The following MGAT4C variants were observed in gnomAD, a reference collection of about 807,000 sequenced individuals.
MGAT4C encodes the protein MGAT4 family member C.
In MGAT4C, 19 loss-of-function variants were observed where a neutral mutation model predicts 40.1. That is an observed-to-expected ratio of 0.47 (90% confidence interval 0.33 to 0.70). MGAT4C has a LOEUF of 0.70. Ranked by LOEUF, MGAT4C falls within the 30% of genes least tolerant of loss-of-function variation. The pLI, the probability that MGAT4C is intolerant of heterozygous loss-of-function variation, is 0.02. For missense variants in MGAT4C, 491 were observed against 563.2 expected (o/e 0.87, Z 1.30); for synonymous variants, 181 against 187.1 (o/e 0.97, Z 0.27).
At chr12:86,072,632 GGATT>G (rs908946086) in intron 1 of MGAT4C, among the ~76,000 whole-genome samples, 1 of 152,052 alleles carries the variant, frequency 6.6e-6, no homozygotes, top group Non-Finnish European at 1.5e-5. Context: ...ATGGATAGAT[GGATT>G]GATTAGATGA....
intron 4 of MGAT4C, among the ~76,000 whole-genome samples, chr12:86,276,156 A>T (rs1953076884): frequency 6.6e-6 from 1 of 151,874 alleles, no homozygotes; most frequent in Non-Finnish European, 1.5e-5. Flanking sequence ...TGTAGTTTTA[A>T]ACCATTAAGT....
intron 1 of MGAT4C, among the ~76,000 whole-genome samples, chr12:86,156,026 C>G (rs1342627998): frequency 6.6e-6 from 1 of 152,124 alleles, no homozygotes; most frequent in Non-Finnish European, 1.5e-5. Context: ...TGTCTCCAAC[C>G]TGGAAATCTT....
At chr12:86,450,112 A>G (rs1325016404) in intron 2 of MGAT4C, among the ~76,000 whole-genome samples, 1 of 151,962 alleles carries the variant, frequency 6.6e-6, no homozygotes, top group Non-Finnish European at 1.5e-5. Context: ...TCATATGTTC[A>G]GCGTTAGTAG....
intron 1 of MGAT4C, among the ~76,000 whole-genome samples, chr12:86,795,020 A>G (rs1952088620): frequency 6.6e-6 from 1 of 151,992 alleles, no homozygotes; most frequent in African/African-American, 2.4e-5. Flanking sequence ...TATATTTAAA[A>G]TGATATAAGC....
intron 2 of MGAT4C, among the ~76,000 whole-genome samples, chr12:86,599,002 TG>T (rs1296553880): frequency 6.6e-6 from 1 of 152,148 alleles, no homozygotes; most frequent in South Asian, 2.1e-4. Flanking sequence ...AAAGAAGAGA[TG>T]TTTCCTTTGA....
At chr12:86,084,816 G>A (rs2135551943) in intron 1 of MGAT4C, among the ~76,000 whole-genome samples, 1 of 152,052 alleles carries the variant, frequency 6.6e-6, no homozygotes, top group South Asian at 2.1e-4. Flanking sequence ...ACTATTTGGG[G>A]TGGCTGGATT....
intron 4 of MGAT4C, among the ~76,000 whole-genome samples, chr12:86,276,500 T>C (rs917921271): frequency 6.6e-6 from 1 of 152,186 alleles, no homozygotes; most frequent in Non-Finnish European, 1.5e-5. Context: ...TGGTATCAAA[T>C]AGTAGAAGGT....
intron 2 of MGAT4C, among the ~76,000 whole-genome samples, chr12:86,501,603 T>C (rs1958344244): frequency 6.6e-6 from 1 of 151,882 alleles, no homozygotes; most frequent in Admixed American, 6.6e-5. Flanking sequence ...TGCTTGGTTT[T>C]CTGTTCCTGC....
At chr12:86,048,935 A>C (rs1011030055) in intron 2 of MGAT4C, among the ~76,000 whole-genome samples, 16 of 152,064 alleles carry the variant, frequency 1.1e-4, no homozygotes, top group Non-Finnish European at 2.2e-4. Flanking sequence ...AATTACTGAC[A>C]ATCTAGATTC....
chr12:86,638,220 G>A (rs1483244987), intron 2 of MGAT4C, among the ~76,000 whole-genome samples: 1 of 151,788 alleles, frequency 6.6e-6, no homozygotes, highest in African/African-American at 2.4e-5. Context: ...CTTATTCTTT[G>A]CCCCCTAATA....
Position 86,422,615 on chromosome 12 carries a change from GCTAA to G in MGAT4C, c.-120+12538_-120+12541del, listed in dbSNP as rs1956849478. Among the ~76,000 whole-genome samples, 7 of 152,106 alleles carry G rather than the reference GCTAA, an allele frequency of 4.6e-5. No homozygotes were observed. In the South Asian group the frequency reaches 1.5e-3, roughly 32 times the overall value. Reference sequence around the variant, plus strand: ...TTTTAAAATCAATTTTCATGCCTATGCTAACTCTCAATTTAAAAAGAATCATAAA... The same window carrying G: ...TTTTAAAATCAATTTTCATGCCTATGCTCTCAATTTAAAAAGAATCATAAA... On this transcript the variant is annotated intron_variant, in intron 3 of 7. Coordinates refer to the MGAT4C transcript ENST00000548651.
At chr12:86,199,400 C>T (rs1203933113) in intron 1 of MGAT4C, among the ~76,000 whole-genome samples, 3 of 151,910 alleles carry the variant, frequency 2.0e-5, no homozygotes, top group Non-Finnish European at 4.4e-5. Context: ...GAATTTTGTT[C>T]TAAATAAGCT....
At chr12:86,109,509 G>A (rs936866097) in intron 1 of MGAT4C, among the ~76,000 whole-genome samples, 1 of 151,868 alleles carries the variant, frequency 6.6e-6, no homozygotes, top group Non-Finnish European at 1.5e-5. Flanking sequence ...TTAATGTTTT[G>A]AATATCTAAT....
At chr12:86,522,847 A>G (rs1369605393) in intron 2 of MGAT4C, among the ~76,000 whole-genome samples, 2 of 152,270 alleles carry the variant, frequency 1.3e-5, no homozygotes, top group African/African-American at 2.4e-5. Context: ...GTCTGTGTCC[A>G]GGAATTTAAT....
At chr12:86,007,872 T>A (rs1888056640) in intron 2 of MGAT4C, among the ~76,000 whole-genome samples, 1 of 152,040 alleles carries the variant, frequency 6.6e-6, no homozygotes, top group African/African-American at 2.4e-5. Flanking sequence ...GTAGGTATAA[T>A]AACCATCTTA....
intron 3 of MGAT4C, among the ~76,000 whole-genome samples, chr12:86,392,885 G>C (rs1161387790): frequency 6.6e-6 from 1 of 152,148 alleles, no homozygotes; most frequent in Non-Finnish European, 1.5e-5. Flanking sequence ...TATGATTATT[G>C]ATCCAAATAT....
chr12:86,777,453 G>A (rs1452912911), intron 1 of MGAT4C, among the ~76,000 whole-genome samples: 2 of 152,108 alleles, frequency 1.3e-5, no homozygotes, highest in African/African-American at 2.4e-5. Flanking sequence ...TCTTTCACAA[G>A]TTGCTTTGGC....
chr12:86,775,438 A>G (rs753026799), intron 1 of MGAT4C, among the ~76,000 whole-genome samples: 8 of 150,676 alleles, frequency 5.3e-5, no homozygotes, highest in Non-Finnish European at 1.0e-4. Flanking sequence ...ATACATATAT[A>G]CTTATTTAAT....
chr12:86,585,178 G>C (rs1218546557), intron 2 of MGAT4C, among the ~76,000 whole-genome samples: 1 of 151,188 alleles, frequency 6.6e-6, no homozygotes, highest in Non-Finnish European at 1.5e-5. Context: ...TTATAGCTTT[G>C]TACATAGCAT....
Sources: gnomAD v4.1 joint callset for allele counts (sites outside exome capture counted in the v4.1 genomes callset) on GRCh38, gnomAD v4.1.1 for gene constraint, MANE v1.5 for transcripts, NCBI Gene and HGNC (gene_info 2026-07-23, HGNC 2026-07-21) for gene names.